LRP11: variants seen among roughly 807,000 people sequenced by gnomAD.
LRP11 encodes the protein LDL receptor related protein 11.
In LRP11, 25 loss-of-function variants were observed where a neutral mutation model predicts 43.1. The observed-to-expected ratio is 0.58, with a 90% confidence interval of 0.42 to 0.81. The LOEUF is 0.81. Among genes scored for constraint, LRP11 ranks in the 30% least tolerant of loss-of-function variants. The probability of loss-of-function intolerance (pLI) is 0.00; values close to 1 mark genes in which losing one functional copy is unlikely to be tolerated. For synonymous variants in LRP11, 316 were observed against 299.4 expected, an observed-to-expected ratio of 1.06 and a Z score of -0.57; for missense variants, 623 against 665.1, an observed-to-expected ratio of 0.94 and a Z score of 0.70.
In LRP11 at chr6:149,863,589, C is replaced by T; in HGVS notation, c.432G>A (p.Val144=). ...GCGCGGGGCGCCGGGGCAGCTCCACCACGGCCACGGAGCAGCGCGGCTCGG... is the reference window on the plus strand; with the variant it reads ...GCGCGGGGCGCCGGGGCAGCTCCACTACGGCCACGGAGCAGCGCGGCTCGG... ...CCSEPRCSVA[V]VELPRRPAPP... The change falls in exon 1 of 7, where the codon GTG becomes GTA. Residue 144 remains valine (V), a synonymous_variant. Transcript: ENST00000239367. 1 of 1,424,712 alleles carries T rather than the reference C, an allele frequency of 7.0e-7. No homozygotes were observed. Among genetic ancestry groups the T allele is most frequent in the Non-Finnish European group, 9.1e-7 (1 of 1,094,346 alleles). 88.3% of individuals were successfully genotyped at this position (1,424,712 alleles called of 1,614,324 possible). A position where few individuals can be genotyped will look rare whatever the true frequency, so the allele number is the denominator to read the frequency against.
At position 149,863,732 on chromosome 6, in the gene LRP11, A is replaced by G. The variant is rs1318961514; in HGVS notation, c.289T>C (p.Tyr97His). 6.8e-7 allele frequency: 1 copy of G among 1,479,492 alleles called. No individual in the cohort carries two copies. The highest frequency in any genetic ancestry group is 1.3e-5 in the South Asian group (1 of 78,694). The allele number at this position is 1,479,492 out of a possible 1,614,324, so 91.6% of individuals were successfully genotyped here. A position where few individuals can be genotyped will look rare whatever the true frequency, so the allele number is the denominator to read the frequency against. The change falls in exon 1 of 7, where the codon TAC (tyrosine) becomes CAC (histidine). Residue 97 changes from tyrosine to histidine, a missense_variant. Transcript: ENST00000239367. Reference sequence around the variant, plus strand: ...ATGATGGCGTCAGGCATTGCGCTGTAGCCGCCGCTGCCCGGGCCCGGGCAG... The same window carrying G: ...ATGATGGCGTCAGGCATTGCGCTGTGGCCGCCGCTGCCCGGGCCCGGGCAG... ...EDCPGPGSGG[Y>H]SAMPDAIIRT...
intron 6 of LRP11, 110 bp downstream of exon 6, chr6:149,826,154 G>A (rs184667081): frequency 2.3e-4 from 189 of 834,444 alleles, no homozygotes; most frequent in Middle Eastern, 9.2e-4. Flanking sequence ...GTCCACTGAC[G>A]GACTCCTCCT....
chr6:149,845,682 G>A (rs75481952), intron 2 of LRP11, among the ~76,000 whole-genome samples: 4,528 of 151,890 alleles, frequency 0.03, 214 homozygotes, highest in African/African-American at 0.1. Context: ...AGAACCCACT[G>A]AAATAAAAGT....
chr6:149,830,210 C>T (rs1484701770), intron 5 of LRP11, among the ~76,000 whole-genome samples: 3 of 151,920 alleles, frequency 2.0e-5, no homozygotes, highest in Non-Finnish European at 2.9e-5. Flanking sequence ...GGGGTTTCTC[C>T]GTGTTGGCCA....
Position 149,853,011 on chromosome 6 carries a change from C to G in LRP11, c.763G>C (p.Asp255His). 6.3e-7 allele frequency: 1 copy of G among 1,594,332 alleles called. No individual in the cohort carries two copies. Among genetic ancestry groups the G allele is most frequent in the Non-Finnish European group, 8.5e-7 (1 of 1,172,804 alleles). The change falls in exon 2 of 7, where the codon GAC (aspartate) becomes CAC (histidine). Residue 255 changes from aspartate (D) to histidine (H), a missense_variant. Asp to His is a moderately conservative substitution (Grantham distance 81, BLOSUM62 -1). Transcript: ENST00000239367. ...GTGACAACATGCGTTACCTTCATGT[C>G]CACTGACGGGTCCCCCTGCAGCAGT... Reference protein sequence around the residue: ...WALLQGDPSVDMKVPQSGTLK... With the variant: ...WALLQGDPSVHMKVPQSGTLK...
intron 5 of LRP11, among the ~76,000 whole-genome samples, chr6:149,835,787 C>T (rs1776462950): frequency 6.6e-6 from 1 of 152,016 alleles, no homozygotes; most frequent in Admixed American, 6.6e-5. Flanking sequence ...TGTTTCATCT[C>T]AAAACAACCT....
At chr6:149,858,017 C>G (rs554234483) in intron 1 of LRP11, among the ~76,000 whole-genome samples, 1 of 152,046 alleles carries the variant, frequency 6.6e-6, no homozygotes, top group African/African-American at 2.4e-5. Flanking sequence ...ATCACACAGG[C>G]GATAAATTTG....
Position 149,851,500 on chromosome 6 carries a change from T to G in LRP11, c.771+1503A>C, listed in dbSNP as rs115790348. ...ACAGCATACCAATTGGTGATGTTCT[T>G]TCTTTCTTTCTTTCTTTTTTTCAAA... On this transcript the variant is annotated intron_variant, in intron 2 of 6. Transcript: ENST00000239367. 9.2e-3 allele frequency among the ~76,000 whole-genome samples: 1,387 copies of G among 151,378 alleles called. 25 individuals are homozygous for G. Among genetic ancestry groups the G allele is most frequent in the African/African-American group, 0.033 (1,342 of 40,722 alleles).
chr6:149,843,567 C>G (rs117208965), intron 2 of LRP11, among the ~76,000 whole-genome samples: 2,574 of 152,288 alleles, frequency 0.017, 23 homozygotes, highest in Non-Finnish European at 0.026. Flanking sequence ...CTCCTGTGTT[C>G]CAGGCCAACC....
intron 1 of LRP11, among the ~76,000 whole-genome samples, chr6:149,861,763 C>A (rs978957158): frequency 6.6e-6 from 1 of 152,186 alleles, no homozygotes; most frequent in Non-Finnish European, 1.5e-5. Flanking sequence ...TCAAGTGATT[C>A]ACCCGCCTTG....
intron 2 of LRP11, among the ~76,000 whole-genome samples, chr6:149,845,313 C>T (rs1259062685): frequency 6.6e-6 from 1 of 152,180 alleles, no homozygotes; most frequent in African/African-American, 2.4e-5. Flanking sequence ...TGACTCTTTA[C>T]AGACAAAGAA....
At chr6:149,859,162 C>A (rs1776847393) in intron 1 of LRP11, among the ~76,000 whole-genome samples, 1 of 151,830 alleles carries the variant, frequency 6.6e-6, no homozygotes, top group Non-Finnish European at 1.5e-5. Context: ...GCAATTTACA[C>A]CATCGGTGAG....
At chr6:149,852,196 C>A (rs1776729626) in intron 2 of LRP11, among the ~76,000 whole-genome samples, 1 of 152,120 alleles carries the variant, frequency 6.6e-6, no homozygotes, top group South Asian at 2.1e-4. Flanking sequence ...TAAAATCACT[C>A]TTACTTAAAC....
At chr6:149,859,396 A>ATATATATATTTTTTTT in intron 1 of LRP11, among the ~76,000 whole-genome samples, 4 of 71,494 alleles carry the variant, frequency 5.6e-5, no homozygotes, top group African/African-American at 3.3e-4. Flanking sequence ...ATATATATAT[A>ATATATATATTTTTTTT]TTTTTTTTTT....
At chr6:149,838,509 C>T (rs969802047) in intron 3 of LRP11, among the ~76,000 whole-genome samples, 1 of 151,316 alleles carries the variant, frequency 6.6e-6, no homozygotes, top group Non-Finnish European at 1.5e-5. Flanking sequence ...CACGGTGAAA[C>T]CCCGTCTCTA....
At chr6:149,859,896 C>G (rs1034736633) in intron 1 of LRP11, among the ~76,000 whole-genome samples, 1 of 152,022 alleles carries the variant, frequency 6.6e-6, no homozygotes, top group African/African-American at 2.4e-5. Context: ...ATGGAGTAAT[C>G]TATGGCTTAA....
chr6:149,834,510 A>T (rs1248244285), intron 5 of LRP11, among the ~76,000 whole-genome samples: 1 of 152,224 alleles, frequency 6.6e-6, no homozygotes, highest in African/African-American at 2.4e-5. Flanking sequence ...TGTGGTAGGA[A>T]TTCATCCATC....
At chr6:149,863,338 T>A (rs1776961489) in intron 1 of LRP11, 70 bp downstream of exon 1, 1 of 1,293,634 alleles carries the variant, frequency 7.7e-7, no homozygotes, top group Non-Finnish European at 9.8e-7. Context: ...GTGTTTCGCT[T>A]CCAACTTGGC....
chr6:149,860,945 AGAGT>A (rs1776883487), intron 1 of LRP11, among the ~76,000 whole-genome samples: 1 of 152,162 alleles, frequency 6.6e-6, no homozygotes, highest in Admixed American at 6.5e-5. Context: ...TTGTGAGGAC[AGAGT>A]GAGTTCATGC....
Sources: gnomAD v4.1 joint callset for allele counts (sites outside exome capture counted in the v4.1 genomes callset) on GRCh38, gnomAD v4.1.1 for gene constraint, MANE v1.5 for transcripts, NCBI Gene and HGNC (gene_info 2026-07-23, HGNC 2026-07-21) for gene names.